ZNF385D: variants seen among roughly 807,000 people sequenced by gnomAD.
The protein encoded by ZNF385D is zinc finger protein 385D, also known as zinc finger protein 659.
In ZNF385D, 15 loss-of-function variants were observed where a neutral mutation model predicts 35.8. That is an observed-to-expected ratio of 0.42 (90% CI 0.28 to 0.64). ZNF385D has a LOEUF of 0.64. Among genes scored for constraint, ZNF385D ranks in the 30% least tolerant of loss-of-function variants. The probability of loss-of-function intolerance (pLI) is 0.23; values close to 1 mark genes in which losing one functional copy is unlikely to be tolerated. For synonymous variants in ZNF385D, 212 were observed against 186.8 expected (o/e 1.13, Z -1.10); for missense variants, 474 against 494.6 (o/e 0.96, Z 0.39).
At chr3:21,735,278 A>G (rs1162207610) in intron 1 of ZNF385D, among the ~76,000 whole-genome samples, 6 of 152,214 alleles carry the variant, frequency 3.9e-5, no homozygotes, top group Non-Finnish European at 7.3e-5. Context: ...TGAAGAAATA[A>G]CAAGACGATG....
At chr3:22,323,000 T>C (rs1022619464) in intron 2 of ZNF385D, among the ~76,000 whole-genome samples, 5 of 152,190 alleles carry the variant, frequency 3.3e-5, no homozygotes, top group African/African-American at 9.7e-5. Context: ...TCTGTAGGAC[T>C]GTAGGTAACC....
At chr3:21,708,627 T>C (rs2067991946) in intron 1 of ZNF385D, among the ~76,000 whole-genome samples, 1 of 152,242 alleles carries the variant, frequency 6.6e-6, no homozygotes, top group African/African-American at 2.4e-5. Context: ...CTTATCATTT[T>C]CTATGTTTTT....
At chr3:21,688,536 T>A (rs2067182307) in intron 1 of ZNF385D, among the ~76,000 whole-genome samples, 1 of 152,118 alleles carries the variant, frequency 6.6e-6, no homozygotes, top group South Asian at 2.1e-4. Flanking sequence ...AGAAAACAAG[T>A]CTTTATCACA....
chr3:21,923,090 T>C (rs1343950937), intron 3 of ZNF385D, among the ~76,000 whole-genome samples: 1 of 152,154 alleles, frequency 6.6e-6, no homozygotes, highest in Non-Finnish European at 1.5e-5. Context: ...ACATGCAGGT[T>C]TGTTACATAT....
intron 2 of ZNF385D, among the ~76,000 whole-genome samples, chr3:22,219,746 T>C (rs188531286): frequency 9.6e-4 from 146 of 152,318 alleles, no homozygotes; most frequent in African/African-American, 3.4e-3. Flanking sequence ...ATGTGATTTA[T>C]ACTAAATGGA....
rs371028677 is a variant in ZNF385D, at chr3:21,985,103, C to T, written c.325+183714G>A. Among the ~76,000 whole-genome samples the T allele has an allele frequency of 7.7e-4, 97 of 125,810 alleles. 1 individual carries two copies. Among genetic ancestry groups the T allele is most frequent in the Admixed American group, 1.8e-3 (23 of 12,666 alleles). The allele number at this position is 125,810 out of a possible 152,430, so 82.5% of individuals were successfully genotyped here. Reference sequence around the variant, plus strand: ...GGGTTTTCTAGATAAACAATCATGTCGTCTGCAAACAGGGACAATTTGACT... The same window carrying T: ...GGGTTTTCTAGATAAACAATCATGTTGTCTGCAAACAGGGACAATTTGACT... On this transcript the variant is annotated intron_variant, in intron 3 of 5. Coordinates refer to the ZNF385D transcript ENST00000494108.
chr3:22,157,960 A>C (rs907922441), intron 3 of ZNF385D, among the ~76,000 whole-genome samples: 15 of 152,242 alleles, frequency 9.9e-5, no homozygotes, highest in African/African-American at 3.6e-4. Context: ...TTCCCTGGGA[A>C]TAACTCTAAT....
intron 3 of ZNF385D, among the ~76,000 whole-genome samples, chr3:21,896,324 T>C (rs1366548504): frequency 6.6e-6 from 1 of 152,152 alleles, no homozygotes; most frequent in Non-Finnish European, 1.5e-5. Flanking sequence ...GCCTCAAGTA[T>C]CTATATTTTA....
chr3:21,886,361 G>GGAGTAAAGATC (rs1698546969), intron 3 of ZNF385D, among the ~76,000 whole-genome samples: 1 of 151,288 alleles, frequency 6.6e-6, no homozygotes, highest in South Asian at 2.1e-4. Flanking sequence ...TGTGATTAAT[G>GGAGTAAAGATC]AGGAAGAAAA....
At chr3:22,021,915 T>A (rs1442613043) in intron 3 of ZNF385D, among the ~76,000 whole-genome samples, 1 of 152,082 alleles carries the variant, frequency 6.6e-6, no homozygotes, top group Non-Finnish European at 1.5e-5. Context: ...GATTCTAATG[T>A]GCAGACAAGT....
intron 2 of ZNF385D, among the ~76,000 whole-genome samples, chr3:22,231,824 T>C (rs138216592): frequency 6.6e-6 from 1 of 152,194 alleles, no homozygotes; most frequent in African/African-American, 2.4e-5. Context: ...ATCATAGGGG[T>C]AGATCCTTTT....
chr3:21,770,910 T>C (rs2071046627), intron 3 of ZNF385D, among the ~76,000 whole-genome samples: 1 of 151,940 alleles, frequency 6.6e-6, no homozygotes. Context: ...AATGCAGCCA[T>C]AAAAAAGGAT....
At chr3:22,064,231 T>TA (rs1457048365) in intron 3 of ZNF385D, among the ~76,000 whole-genome samples, 6 of 152,182 alleles carry the variant, frequency 3.9e-5, no homozygotes, top group African/African-American at 1.4e-4. Flanking sequence ...AATACAGGGG[T>TA]AATCCTCTCC....
At chr3:21,817,765 G>T (rs1290252024) in intron 3 of ZNF385D, among the ~76,000 whole-genome samples, 1 of 152,200 alleles carries the variant, frequency 6.6e-6, no homozygotes, top group Non-Finnish European at 1.5e-5. Context: ...AGGCAGTGTG[G>T]TGATTCCTCT....
intron 3 of ZNF385D, among the ~76,000 whole-genome samples, chr3:21,966,596 G>C (rs1476540658): frequency 6.6e-6 from 1 of 152,030 alleles, no homozygotes; most frequent in Non-Finnish European, 1.5e-5. Flanking sequence ...TTGTTTGTTT[G>C]TTTGAGACGC....
intron 3 of ZNF385D, among the ~76,000 whole-genome samples, chr3:21,898,696 CAG>C (rs1203336787): frequency 6.6e-6 from 1 of 152,088 alleles, no homozygotes; most frequent in East Asian, 1.9e-4. Flanking sequence ...TTTCAAGTAA[CAG>C]AAGCCTGAAA....
intron 3 of ZNF385D, among the ~76,000 whole-genome samples, chr3:21,861,043 T>C (rs1475383064): frequency 2.0e-5 from 3 of 152,132 alleles, no homozygotes; most frequent in Non-Finnish European, 1.5e-5. Flanking sequence ...ATATACAGCA[T>C]AGAGCAGACA....
At chr3:21,819,642 C>A (rs35096642) in intron 3 of ZNF385D, among the ~76,000 whole-genome samples, 44,854 of 118,690 alleles carry the variant, frequency 0.38, 7,406 homozygotes, top group East Asian at 0.62. Flanking sequence ...ATTATATATT[C>A]TATATTATAT....
At chr3:21,896,806 A>G (rs1293630731) in intron 3 of ZNF385D, among the ~76,000 whole-genome samples, 2 of 146,894 alleles carry the variant, frequency 1.4e-5, no homozygotes, top group African/African-American at 5.1e-5. Flanking sequence ...TATTTCTCCA[A>G]TGTGTTCTTA....
Sources: gnomAD v4.1 joint callset for allele counts (sites outside exome capture counted in the v4.1 genomes callset) on GRCh38, gnomAD v4.1.1 for gene constraint, MANE v1.5 for transcripts, NCBI Gene and HGNC (gene_info 2026-07-23, HGNC 2026-07-21) for gene names.